Variants in MATCAP2 observed in about 807,000 individuals in gnomAD.
MATCAP2 encodes the protein putative tyrosine carboxypeptidase MATCAP2.
chr7:36,373,147 T>G, the MATCAP2 span, among the ~76,000 whole-genome samples: 4 of 149,264 alleles, frequency 2.7e-5, no homozygotes, highest in African/African-American at 9.8e-5. Flanking sequence ...ATGATGTACA[T>G]GCATCAATCA....
the MATCAP2 span, among the ~76,000 whole-genome samples, chr7:36,351,309 T>C: frequency 1.3e-5 from 2 of 152,046 alleles, no homozygotes; most frequent in East Asian, 1.9e-4. Flanking sequence ...GGCAGGAGAA[T>C]TGCTTGAACC....
At chr7:36,350,187 C>T in the MATCAP2 span, among the ~76,000 whole-genome samples, 1 of 152,146 alleles carries the variant, frequency 6.6e-6, no homozygotes, top group Non-Finnish European at 1.5e-5. Context: ...TACGTCAAGA[C>T]ATCCTATTAG....
At chr7:36,377,047 T>C in the MATCAP2 span, among the ~76,000 whole-genome samples, 1 of 152,244 alleles carries the variant, frequency 6.6e-6, no homozygotes, top group Non-Finnish European at 1.5e-5. Context: ...GTCTTAACTC[T>C]TTATCCAATT....
At chr7:36,351,957 A>AG in the MATCAP2 span, among the ~76,000 whole-genome samples, 2 of 151,482 alleles carry the variant, frequency 1.3e-5, no homozygotes, top group African/African-American at 2.4e-5. Flanking sequence ...AAAAAAAAAA[A>AG]AAAAAAATTT....
At chr7:36,348,645 G>A in the MATCAP2 span, among the ~76,000 whole-genome samples, 1 of 152,082 alleles carries the variant, frequency 6.6e-6, no homozygotes, top group East Asian at 1.9e-4. Flanking sequence ...TTATATTTTA[G>A]AATCTAAGTC....
the MATCAP2 span, among the ~76,000 whole-genome samples, chr7:36,330,493 A>G: frequency 5.3e-5 from 8 of 152,360 alleles, no homozygotes; most frequent in South Asian, 1.7e-3. Flanking sequence ...ACCAAATGCA[A>G]TGTATAAATC....
chr7:36,389,364 C>CT, the MATCAP2 span, among the ~76,000 whole-genome samples: 7 of 150,660 alleles, frequency 4.6e-5, no homozygotes, highest in South Asian at 2.1e-4. Flanking sequence ...GCTCTTAATC[C>CT]TTTTTTTTTC....
chr7:36,384,271 T>A, the MATCAP2 span, among the ~76,000 whole-genome samples: 133 of 152,334 alleles, frequency 8.7e-4, no homozygotes, highest in African/African-American at 3.1e-3. Flanking sequence ...TAGTTATTTC[T>A]ACTTCAGACT....
At chr7:36,351,042 T>C in the MATCAP2 span, among the ~76,000 whole-genome samples, 5 of 152,202 alleles carry the variant, frequency 3.3e-5, no homozygotes, top group South Asian at 2.1e-4. Flanking sequence ...CCAAGGAAGA[T>C]GAAAATCAGA....
At chr7:36,371,821 C>T in the MATCAP2 span, among the ~76,000 whole-genome samples, 6 of 151,988 alleles carry the variant, frequency 3.9e-5, no homozygotes, top group African/African-American at 7.2e-5. Context: ...AGTGCAGTGG[C>T]GCGATCATAA....
At chr7:36,372,378 T>TA in the MATCAP2 span, among the ~76,000 whole-genome samples, 3,125 of 152,244 alleles carry the variant, frequency 0.021, 51 homozygotes, top group Middle Eastern at 0.051. Flanking sequence ...TCCTTGGCTT[T>TA]AAAAAAAATT....
At chr7:36,337,636 G>A in the MATCAP2 span, 1 of 151,936 alleles carries the variant, frequency 6.6e-6, no homozygotes, top group African/African-American at 2.4e-5. Context: ...CACTAAACTT[G>A]TTTATTACTC....
the MATCAP2 span, among the ~76,000 whole-genome samples, chr7:36,348,256 G>A: frequency 6.6e-6 from 1 of 152,068 alleles, no homozygotes; most frequent in Non-Finnish European, 1.5e-5. Context: ...TAGCAAATTA[G>A]GTACATAAAG....
the MATCAP2 span, chr7:36,389,716 A>C: frequency 2.7e-5 from 8 of 300,346 alleles, no homozygotes; most frequent in Non-Finnish European, 3.6e-5. Flanking sequence ...GGGGCCGGGA[A>C]GGAGGCGGGG....
chr7:36,352,297 C>T, the MATCAP2 span, among the ~76,000 whole-genome samples: 2 of 146,930 alleles, frequency 1.4e-5, no homozygotes, highest in African/African-American at 2.5e-5. Flanking sequence ...CTTGGGAGGA[C>T]GAGGCAGGAG....
the MATCAP2 span, among the ~76,000 whole-genome samples, chr7:36,378,762 G>A: frequency 2.0e-5 from 3 of 152,200 alleles, no homozygotes; most frequent in Non-Finnish European, 2.9e-5. Context: ...CACCCAGTTC[G>A]AGCTTCCTGG....
At chr7:36,367,389 T>C in the MATCAP2 span, 2 of 971,342 alleles carry the variant, frequency 2.1e-6, no homozygotes, top group Non-Finnish European at 2.4e-6. Context: ...CCGGGGCTTG[T>C]GGCTGTGCCC....
At chr7:36,373,619 A>AT in the MATCAP2 span, among the ~76,000 whole-genome samples, 1 of 152,006 alleles carries the variant, frequency 6.6e-6, no homozygotes, top group African/African-American at 2.4e-5. Context: ...TTTTTTAAAA[A>AT]TTTTTTGTAG....
At chr7:36,358,587 A>G in the MATCAP2 span, among the ~76,000 whole-genome samples, 25 of 152,222 alleles carry the variant, frequency 1.6e-4, no homozygotes, top group Non-Finnish European at 1.3e-4. Flanking sequence ...CTTTGTTTTT[A>G]GAACTCACAA....
Sources: gnomAD v4.1 joint callset for allele counts (sites outside exome capture counted in the v4.1 genomes callset) on GRCh38, gnomAD v4.1.1 for gene constraint, MANE v1.5 for transcripts, NCBI Gene and HGNC (gene_info 2026-07-23, HGNC 2026-07-21) for gene names.